ACCSL: variants seen among roughly 807,000 people sequenced by gnomAD.
The protein encoded by ACCSL is 1-aminocyclopropane-1-carboxylate synthase homolog (inactive) like, also known as probable inactive 1-aminocyclopropane-1-carboxylate synthase-like protein 2.
In ACCSL, 55 loss-of-function variants were observed where a neutral mutation model predicts 61.7. The ratio of observed to expected loss-of-function variants is 0.89; its 90% CI spans 0.72 to 1.12. The LOEUF (loss-of-function observed/expected upper bound fraction) is 1.12, where lower values mean the gene tolerates loss of function less well. Among genes scored for constraint, ACCSL ranks in the 50% most tolerant of loss-of-function variants. The pLI, the probability that ACCSL is intolerant of heterozygous loss-of-function variation, is 0.00. For synonymous variants in ACCSL, 258 were observed against 264.3 expected (o/e 0.98, Z 0.23); for missense variants, 632 against 698.0 (o/e 0.91, Z 1.07).
At chr11:44,007,237 T>G in the ACCSL span, among the ~76,000 whole-genome samples, 1 of 152,206 alleles carries the variant, frequency 6.6e-6, no homozygotes, top group Non-Finnish European at 1.5e-5. Flanking sequence ...AGGCTCCTTC[T>G]GTCTCAGATG....
At chr11:44,052,544 A>G (rs1590430402) in intron 5 of ACCSL, 118 bp from the exon 6 acceptor site, 1 of 800,214 alleles carries the variant, frequency 1.2e-6, no homozygotes, top group East Asian at 2.4e-5. Flanking sequence ...ATCCCCAGGT[A>G]GAAAGGATCG....
intron 5 of ACCSL, among the ~76,000 whole-genome samples, 177 bp downstream of exon 5, chr11:44,051,896 T>G (rs576802516): frequency 1.1e-4 from 17 of 152,340 alleles, no homozygotes; most frequent in African/African-American, 4.1e-4. Context: ...AACAAGGGGT[T>G]TGGATTCTCC....
chr11:43,921,906 G>GTA, the ACCSL span, among the ~76,000 whole-genome samples: 4 of 152,184 alleles, frequency 2.6e-5, no homozygotes, highest in South Asian at 2.1e-4. Flanking sequence ...GAAATGGCAA[G>GTA]TAGGTACTTG....
intron 11 of ACCSL, 114 bp downstream of exon 11, chr11:44,056,440 T>C: frequency 7.4e-7 from 1 of 1,353,230 alleles, no homozygotes; most frequent in Non-Finnish European, 9.9e-7. Flanking sequence ...CTATTTCCTG[T>C]CTCAGATTTA....
intron 5 of ACCSL, among the ~76,000 whole-genome samples, chr11:44,052,057 T>C (rs1952643034): frequency 6.6e-6 from 1 of 152,196 alleles, no homozygotes; most frequent in Admixed American, 6.5e-5. Flanking sequence ...AGATTTCTTA[T>C]CTCTTCAGAA....
chr11:43,966,425 C>CA, the ACCSL span, among the ~76,000 whole-genome samples: 19,413 of 101,668 alleles, frequency 0.19, 1,495 homozygotes, highest in Middle Eastern at 0.41. Context: ...GACTCTGTCT[C>CA]AAAAAAAAAA....
the ACCSL span, among the ~76,000 whole-genome samples, chr11:44,030,647 T>G: frequency 1.3e-5 from 2 of 152,126 alleles, no homozygotes; most frequent in Non-Finnish European, 2.9e-5. Flanking sequence ...GATGTATTGT[T>G]TTTTTTATAG....
At chr11:44,054,447 C>CTTTTTTTTTTTTTTTTT (rs67313576) in intron 8 of ACCSL, among the ~76,000 whole-genome samples, 4 of 138,416 alleles carry the variant, frequency 2.9e-5, no homozygotes, top group Non-Finnish European at 6.3e-5. Context: ...TTCTTTCTTT[C>CTTTTTTTTTTTTTTTTT]TTTTTTTTTT....
At chr11:43,955,952 T>G in the ACCSL span, among the ~76,000 whole-genome samples, 4 of 151,656 alleles carry the variant, frequency 2.6e-5, no homozygotes, top group African/African-American at 9.7e-5. Flanking sequence ...TTAAAGGTGG[T>G]AAAAGAAAAA....
the ACCSL span, among the ~76,000 whole-genome samples, chr11:44,034,372 T>A: frequency 6.6e-6 from 1 of 152,236 alleles, no homozygotes; most frequent in Non-Finnish European, 1.5e-5. Context: ...GAAACCCCGA[T>A]GAAGACCTTA....
chr11:43,928,706 G>C, the ACCSL span, among the ~76,000 whole-genome samples: 1 of 152,344 alleles, frequency 6.6e-6, no homozygotes, highest in Admixed American at 6.5e-5. Context: ...AAGCAGCTCA[G>C]AGTGGCCAGG....
chr11:43,972,092 A>T, the ACCSL span, among the ~76,000 whole-genome samples: 1 of 152,014 alleles, frequency 6.6e-6, no homozygotes, highest in Non-Finnish European at 1.5e-5. Flanking sequence ...GGCACTCAAT[A>T]AATACTTGTC....
chr11:43,991,344 T>C, the ACCSL span, among the ~76,000 whole-genome samples: 2 of 152,242 alleles, frequency 1.3e-5, no homozygotes, highest in African/African-American at 2.4e-5. Context: ...ACCTGCCTCA[T>C]GGGCACACAG....
At chr11:44,051,093 G>A (rs1027516786) in intron 3 of ACCSL, among the ~76,000 whole-genome samples, 2 of 152,136 alleles carry the variant, frequency 1.3e-5, no homozygotes, top group African/African-American at 4.8e-5. Context: ...CACCCGCCTT[G>A]GCCTCCCAAA....
chr11:43,967,194 T>TTTTTTC, the ACCSL span, among the ~76,000 whole-genome samples: 1 of 132,128 alleles, frequency 7.6e-6, no homozygotes, highest in Admixed American at 7.7e-5. Context: ...TTTTTTTTTT[T>TTTTTTC]GAGATGGAGT....
rs756419610 is a variant in ACCSL, at chr11:44,049,967, A to T, written c.505-95A>T. 2.6e-6 allele frequency: 4 copies of T among 1,522,206 alleles called. No individual in the cohort carries two copies. In the South Asian group the frequency reaches 4.6e-5, roughly 17 times the overall value. The allele number at this position is 1,522,206 out of a possible 1,614,324, so 94.3% of individuals were successfully genotyped here. On this transcript the variant is annotated intron_variant, in intron 1 of 13. Coordinates refer to ENST00000378832, the MANE Select transcript of ACCSL (RefSeq NM_001031854.2). ...TCAAATTTGGATTGAATTGCCTCAT[A>T]GGCAGTGAGATCTCCATTTGAACTA...
At chr11:44,054,648 G>A (rs1174921482) in intron 8 of ACCSL, among the ~76,000 whole-genome samples, 1 of 151,942 alleles carries the variant, frequency 6.6e-6, no homozygotes, top group Non-Finnish European at 1.5e-5. Flanking sequence ...GTAGAGACAG[G>A]GTTCCACGAT....
chr11:44,059,727 G>C, intron 13 of ACCSL, 111 bp from the exon 14 acceptor site: 1 of 796,730 alleles, frequency 1.3e-6, no homozygotes, highest in Non-Finnish European at 2.0e-6. Context: ...CTGAAGTTCA[G>C]GATCCCTGAA....
chr11:43,926,828 C>T, the ACCSL span, among the ~76,000 whole-genome samples: 1 of 152,180 alleles, frequency 6.6e-6, no homozygotes, highest in South Asian at 2.1e-4. Context: ...TGGCTCACTG[C>T]AGCCTTGACC....
Sources: allele counts gnomAD v4.1 joint callset (sites outside exome capture counted in the v4.1 genomes callset), GRCh38; gene constraint gnomAD v4.1.1; transcripts MANE v1.5; gene names NCBI Gene and HGNC (gene_info 2026-07-23, HGNC 2026-07-21).